The following DNAJC11 variants were observed in gnomAD, a reference collection of about 807,000 sequenced individuals.
The protein encoded by DNAJC11 is dnaJ homolog subfamily C member 11.
In DNAJC11, 15 loss-of-function variants were observed where a neutral mutation model predicts 78.6. The ratio of observed to expected loss-of-function variants is 0.19; its 90% confidence interval spans 0.13 to 0.29. The LOEUF (loss-of-function observed/expected upper bound fraction) is 0.29. Ranked by LOEUF, DNAJC11 falls within the 10% of genes least tolerant of loss-of-function variation. The pLI, the probability that DNAJC11 is intolerant of heterozygous loss-of-function variation, is 1.00. For missense variants in DNAJC11, 547 were observed against 709.6 expected (o/e 0.77, Z 2.60); for synonymous variants, 292 against 272.1 (o/e 1.07, Z -0.72).
At chr1:6,686,669 G>A (rs1048373083) in intron 1 of DNAJC11, among the ~76,000 whole-genome samples, 3 of 152,188 alleles carry the variant, frequency 2.0e-5, no homozygotes, top group Non-Finnish European at 2.9e-5. Context: ...ACTAGCAAGT[G>A]CAGTCCTACC....
intron 1 of DNAJC11, among the ~76,000 whole-genome samples, chr1:6,697,879 A>G (rs1642862652): frequency 6.6e-6 from 1 of 150,978 alleles, no homozygotes; most frequent in East Asian, 1.9e-4. Context: ...ATCTCGGCTC[A>G]CTGCAAGCTC....
At chr1:6,651,442 C>T in intron 7 of DNAJC11, 87 bp downstream of exon 7, 2 of 1,197,246 alleles carry the variant, frequency 1.7e-6, no homozygotes, top group Non-Finnish European at 2.4e-6. Context: ...AAGATAGTGC[C>T]AACCACTGTG....
chr1:6,670,915 A>G (rs1642369921), intron 3 of DNAJC11: 1 of 152,218 alleles, frequency 6.6e-6, no homozygotes, highest in African/African-American at 2.4e-5. Context: ...CCCTCCCTGC[A>G]TCGAAAGAAA....
At chr1:6,651,490 A>C in intron 7 of DNAJC11, 39 bp downstream of exon 7, 1 of 1,577,138 alleles carries the variant, frequency 6.3e-7, no homozygotes, top group Non-Finnish European at 8.7e-7. Context: ...CTAAGCCAAC[A>C]AAGACCACCA....
At chr1:6,687,540 G>C (rs1327035721) in intron 1 of DNAJC11, among the ~76,000 whole-genome samples, 1 of 151,918 alleles carries the variant, frequency 6.6e-6, no homozygotes, top group African/African-American at 2.4e-5. Context: ...GTATTTGTTA[G>C]TAGAGACGGG....
At chr1:6,663,488 A>G (rs1466163320) in intron 4 of DNAJC11, among the ~76,000 whole-genome samples, 1 of 152,216 alleles carries the variant, frequency 6.6e-6, no homozygotes, top group Non-Finnish European at 1.5e-5. Flanking sequence ...AATAATCAAT[A>G]CGAAGTGAAT....
intron 6 of DNAJC11, among the ~76,000 whole-genome samples, chr1:6,652,078 C>T (rs946933107): frequency 6.6e-6 from 1 of 152,224 alleles, no homozygotes; most frequent in African/African-American, 2.4e-5. Flanking sequence ...AAAGCCCAGC[C>T]GCGGTTCCAC....
chr1:6,654,277 G>A (rs896074251), intron 4 of DNAJC11: 5 of 386,314 alleles, frequency 1.3e-5, no homozygotes, highest in African/African-American at 6.2e-5. Context: ...CAGGAGAGCC[G>A]GTCCGCATGT....
In DNAJC11 at chr1:6,640,146, G is replaced by T. The variant is rs549677518; in HGVS notation, c.1098-89C>A. On this transcript the variant is annotated intron_variant, in intron 10 of 15. Transcript: ENST00000377577. ...CAATGGGGTGTCAGGCACAGGAAGA[G>T]AACTTGTGCTGCGTGCAGCTGCGAG... 5.5e-5 allele frequency: 79 copies of T among 1,434,846 alleles called. No individual in the cohort carries two copies. The African/African-American group carries it at 1.1e-3, about 20-fold the overall frequency. 88.9% of individuals were successfully genotyped at this position (1,434,846 alleles called of 1,614,324 possible).
intron 3 of DNAJC11, among the ~76,000 whole-genome samples, chr1:6,674,055 GA>G (rs1642422922): frequency 6.6e-6 from 1 of 152,154 alleles, no homozygotes; most frequent in African/African-American, 2.4e-5. Flanking sequence ...GCCATTACCA[GA>G]ATCAACCCTG....
In DNAJC11 at chr1:6,635,566, T is replaced by C; in HGVS notation, c.*109A>G. ...TTGATAATGGTACCACCTTCTATAA[T>C]AATAATATAAAATAAAAACATCTGA... is the stretch of plus-strand genomic sequence containing the variant. On this transcript the variant is annotated 3_prime_UTR_variant, in exon 16 of 16. Coordinates refer to ENST00000377577, the MANE Select transcript of DNAJC11 (RefSeq NM_018198.4). 8.5e-7 allele frequency: 1 copy of C among 1,176,330 alleles called. No individual in the cohort carries two copies. The highest frequency in any genetic ancestry group is 1.2e-6 in the Non-Finnish European group (1 of 824,588). The allele number at this position is 1,176,330 out of a possible 1,614,324, so 72.9% of individuals were successfully genotyped here.
At chr1:6,697,101 A>G (rs527691385) in intron 1 of DNAJC11, among the ~76,000 whole-genome samples, 1 of 152,358 alleles carries the variant, frequency 6.6e-6, no homozygotes, top group East Asian at 1.9e-4. Flanking sequence ...GAACCAGATG[A>G]TGCATCTAAC....
At chr1:6,651,001 A>T (rs778986448) in intron 7 of DNAJC11, 1 of 517,950 alleles carries the variant, frequency 1.9e-6, no homozygotes, top group Non-Finnish European at 4.0e-6. Context: ...GCTCACACAG[A>T]CATCACTGCA....
rs374164821 is a variant in DNAJC11, at chr1:6,690,793, G to A, written c.73-9756C>T. Among the ~76,000 whole-genome samples the A allele has an allele frequency of 2.3e-4, 35 of 152,176 alleles. No individual in the cohort carries two copies. In the East Asian group the frequency reaches 4.8e-3, roughly 21 times the overall value. On this transcript the variant is annotated intron_variant, in intron 1 of 15. Transcript: ENST00000377577. ...CAAAAAATTAGCTGGGCGTGGTGGC[G>A]GGCGCCTGTAGTCCCAGCTACTCGG...
chr1:6,640,470 G>A (rs571022256), intron 10 of DNAJC11, among the ~76,000 whole-genome samples: 6 of 152,340 alleles, frequency 3.9e-5, no homozygotes, highest in African/African-American at 1.4e-4. Context: ...CAGTTAAGGA[G>A]GTTCTGCTTC....
chr1:6,648,731 C>T (rs1185151686), intron 7 of DNAJC11, among the ~76,000 whole-genome samples: 3 of 152,116 alleles, frequency 2.0e-5, no homozygotes, highest in African/African-American at 4.8e-5. Flanking sequence ...GCTGGGATTA[C>T]AAGCATGAGC....
intron 10 of DNAJC11, among the ~76,000 whole-genome samples, chr1:6,643,056 CA>C (rs1273524593): frequency 6.6e-6 from 1 of 151,922 alleles, no homozygotes; most frequent in African/African-American, 2.4e-5. Context: ...CCTGGAAACT[CA>C]GGGCAGAGAG....
chr1:6,682,183 AG>A (rs1274237706), intron 1 of DNAJC11, among the ~76,000 whole-genome samples: 1 of 151,090 alleles, frequency 6.6e-6, no homozygotes, highest in East Asian at 1.9e-4. Context: ...AAAAAAAAAA[AG>A]ATGACTGTAT....
At chr1:6,664,646 C>A (rs1035674934) in intron 4 of DNAJC11, among the ~76,000 whole-genome samples, 7 of 152,174 alleles carry the variant, frequency 4.6e-5, no homozygotes, top group Non-Finnish European at 8.8e-5. Context: ...TAGTTCTGAA[C>A]GTCATTTTGG....
Sources: gnomAD v4.1 joint callset for allele counts (sites outside exome capture counted in the v4.1 genomes callset) on GRCh38, gnomAD v4.1.1 for gene constraint, MANE v1.5 for transcripts, NCBI Gene and HGNC (gene_info 2026-07-23, HGNC 2026-07-21) for gene names.